Variants in CRIM1 observed in about 807,000 individuals in gnomAD.
The protein encoded by CRIM1 is cysteine-rich motor neuron 1 protein.
CRIM1 carries 32 observed loss-of-function variants against 116.4 expected under a neutral mutation model. The observed-to-expected ratio is 0.27, with a 90% CI of 0.21 to 0.37. CRIM1 has a LOEUF of 0.37. CRIM1 is among the 10% of genes least tolerant of loss of function. The pLI is 1.00. For synonymous variants in CRIM1, 590 were observed against 509.2 expected (o/e 1.16, Z -2.13); for missense variants, 1,331 against 1,354.8 (o/e 0.98, Z 0.28).
intron 1 of CRIM1, among the ~76,000 whole-genome samples, chr2:36,394,693 T>C (rs1363747915): frequency 6.6e-6 from 1 of 151,876 alleles, no homozygotes; most frequent in African/African-American, 2.4e-5. Context: ...GAGAACAGAT[T>C]TTAAATAAAA....
intron 2 of CRIM1, among the ~76,000 whole-genome samples, chr2:36,428,588 T>C (rs987148299): frequency 6.6e-6 from 1 of 152,220 alleles, no homozygotes; most frequent in Non-Finnish European, 1.5e-5. Context: ...TTGCTTTTAT[T>C]AAAATACCCA....
At chr2:36,465,440 A>G (rs1033829879) in intron 5 of CRIM1, among the ~76,000 whole-genome samples, 1 of 152,372 alleles carries the variant, frequency 6.6e-6, no homozygotes, top group Middle Eastern at 3.4e-3. Flanking sequence ...ATACTTGTAT[A>G]CACAGGAAGA....
chr2:36,517,455 C>A lies in CRIM1; in HGVS notation c.2119C>A (p.Arg707=). The A allele has an allele frequency of 6.2e-7, 1 of 1,614,212 alleles. No homozygotes were observed. The highest frequency in any genetic ancestry group is 8.5e-7 in the Non-Finnish European group (1 of 1,180,032). ...SCTQCTCHSG[R]VLCETEVCPP... is the part of the protein sequence containing the mutation. ...TACTCAGTGCACCTGCCACAGCGGA[C>A]GGGTGCTGTGTGAGACAGAGGTGTG... is the stretch of plus-strand genomic sequence containing the variant. The change falls in exon 12 of 17, where the codon CGG becomes AGG. Residue 707 remains arginine (R), a synonymous_variant. Coordinates refer to ENST00000280527, the MANE Select transcript of CRIM1 (RefSeq NM_016441.3).
Position 36,441,301 on chromosome 2 carries a change from C to T in CRIM1, c.549C>T (p.Phe183=). 1 of 1,614,216 alleles carries T rather than the reference C, an allele frequency of 6.2e-7. No homozygotes were observed. The highest frequency in any genetic ancestry group is 1.1e-5 in the South Asian group (1 of 91,082). The change falls in exon 3 of 17, where the codon TTC becomes TTT. Residue 183 remains phenylalanine, a synonymous_variant. Transcript: ENST00000280527. The stretch of plus-strand genomic sequence containing the variant: ...CCAAGGCCCGCTGTGAAGTCCAGTT[C>T]TCTCCACGTTGTCCTGAAGATTCTG... ...DCSKARCEVQ[F]SPRCPEDSVL...
chr2:36,436,575 G>A (rs1413467311), intron 2 of CRIM1, among the ~76,000 whole-genome samples: 1 of 152,140 alleles, frequency 6.6e-6, no homozygotes, highest in Non-Finnish European at 1.5e-5. Flanking sequence ...GTAAAAAATG[G>A]GAGGTATAGG....
chr2:36,491,587 G>A (rs1558364355), intron 7 of CRIM1, among the ~76,000 whole-genome samples: 3 of 152,176 alleles, frequency 2.0e-5, no homozygotes, highest in Admixed American at 2.0e-4. Flanking sequence ...GTGCTTAGAT[G>A]TCTTTCGTTT....
intron 5 of CRIM1, among the ~76,000 whole-genome samples, chr2:36,475,943 A>G (rs1387275098): frequency 6.6e-6 from 1 of 152,098 alleles, no homozygotes; most frequent in African/African-American, 2.4e-5. Context: ...GTCATGGTGT[A>G]TAATTTTGTT....
chr2:36,372,317 G>T (rs1483650521), intron 1 of CRIM1, among the ~76,000 whole-genome samples: 4 of 152,322 alleles, frequency 2.6e-5, no homozygotes, highest in East Asian at 1.9e-4. Flanking sequence ...AGGAATTTTT[G>T]ATGATTAGTG....
intron 1 of CRIM1, among the ~76,000 whole-genome samples, chr2:36,358,837 T>C (rs1669031860): frequency 6.6e-6 from 1 of 152,138 alleles, no homozygotes; most frequent in Non-Finnish European, 1.5e-5. Context: ...GTAAGGACAG[T>C]GTTACCTGGC....
chr2:36,489,506 G>T (rs11902366), intron 7 of CRIM1, among the ~76,000 whole-genome samples: 143 of 152,164 alleles, frequency 9.4e-4, no homozygotes, highest in African/African-American at 3.0e-3. Flanking sequence ...TTCCACAGGG[G>T]GTGTGTCCCA....
At chr2:36,528,573 G>A (rs995158699) in intron 13 of CRIM1, among the ~76,000 whole-genome samples, 6 of 152,196 alleles carry the variant, frequency 3.9e-5, no homozygotes, top group African/African-American at 1.2e-4. Context: ...AACAGAGTAC[G>A]TGGCATTTAT....
intron 2 of CRIM1, among the ~76,000 whole-genome samples, chr2:36,402,975 A>G (rs1672530132): frequency 6.6e-6 from 1 of 152,172 alleles, no homozygotes; most frequent in Non-Finnish European, 1.5e-5. Flanking sequence ...TCATACATAC[A>G]TGCTCTATGG....
At chr2:36,403,125 G>A (rs3821161) in intron 2 of CRIM1, among the ~76,000 whole-genome samples, 23,656 of 152,120 alleles carry the variant, frequency 0.16, 2,233 homozygotes, top group African/African-American at 0.27. Flanking sequence ...GGCTGAAGAG[G>A]TGTCTGTGTT....
At chr2:36,408,612 C>A (rs1672988946) in intron 2 of CRIM1, among the ~76,000 whole-genome samples, 1 of 152,248 alleles carries the variant, frequency 6.6e-6, no homozygotes, top group South Asian at 2.1e-4. Context: ...GGGTTCTCCG[C>A]CTCCTGCAGA....
chr2:36,411,728 G>A (rs1281364300), intron 2 of CRIM1, among the ~76,000 whole-genome samples: 3 of 151,978 alleles, frequency 2.0e-5, no homozygotes, highest in African/African-American at 7.3e-5. Flanking sequence ...GCCGATAATA[G>A]TGTTACATTC....
intron 1 of CRIM1, among the ~76,000 whole-genome samples, chr2:36,360,056 A>G (rs1016020912): frequency 1.7e-4 from 26 of 152,238 alleles, no homozygotes; most frequent in African/African-American, 6.0e-4. Flanking sequence ...AGAGTTTAGA[A>G]AAATTAATGA....
At chr2:36,418,033 G>A (rs1236145504) in intron 2 of CRIM1, among the ~76,000 whole-genome samples, 10 of 152,134 alleles carry the variant, frequency 6.6e-5, no homozygotes, top group Non-Finnish European at 8.8e-5. Flanking sequence ...TGCAGCACTG[G>A]GTGGCAGGCA....
intron 2 of CRIM1, among the ~76,000 whole-genome samples, chr2:36,419,915 A>G (rs1464430737): frequency 6.6e-6 from 1 of 152,222 alleles, no homozygotes; most frequent in Non-Finnish European, 1.5e-5. Context: ...TGTAGCAAAT[A>G]TGTGGCTTTA....
At chr2:36,382,455 C>T (rs971810461) in intron 1 of CRIM1, among the ~76,000 whole-genome samples, 1 of 151,714 alleles carries the variant, frequency 6.6e-6, no homozygotes, top group East Asian at 2.0e-4. Context: ...ATTAGTGCTC[C>T]GTGGCCATGC....
Sources: allele counts gnomAD v4.1 joint callset (sites outside exome capture counted in the v4.1 genomes callset), GRCh38; gene constraint gnomAD v4.1.1; transcripts MANE v1.5; gene names NCBI Gene and HGNC (gene_info 2026-07-23, HGNC 2026-07-21).